Variants in FGF14 observed in about 807,000 individuals in gnomAD.
The protein encoded by FGF14 is fibroblast growth factor 14.
A neutral mutation model predicts 25.5 loss-of-function variants in FGF14; 5 were observed. That is an observed-to-expected ratio of 0.20 (90% CI 0.10 to 0.41). FGF14 has a LOEUF of 0.41. Ranked by LOEUF, FGF14 falls within the 10% of genes least tolerant of loss-of-function variation. FGF14 has a pLI of 1.00. For missense variants in FGF14, 222 were observed against 320.1 expected (o/e 0.69, Z 2.34); for synonymous variants, 138 against 118.3 (o/e 1.17, Z -1.08).
At chr13:102,113,396 T>C (rs1007417404) in intron 1 of FGF14, among the ~76,000 whole-genome samples, 1 of 152,190 alleles carries the variant, frequency 6.6e-6, no homozygotes, top group African/African-American at 2.4e-5. Flanking sequence ...GATCAAACCA[T>C]GCAGCAATCC....
At chr13:102,165,165 A>G (rs1050363293) in intron 1 of FGF14, among the ~76,000 whole-genome samples, 2 of 152,090 alleles carry the variant, frequency 1.3e-5, no homozygotes, top group Non-Finnish European at 2.9e-5. Flanking sequence ...TCAGGAAAAA[A>G]CAGGTGCTGG....
chr13:101,792,345 T>C (rs1032328583), intron 3 of FGF14, among the ~76,000 whole-genome samples: 1 of 152,128 alleles, frequency 6.6e-6, no homozygotes, highest in Non-Finnish European at 1.5e-5. Context: ...ACATTTCTGG[T>C]ACAAAATGAC....
intron 1 of FGF14, among the ~76,000 whole-genome samples, chr13:102,151,566 T>G (rs2140505010): frequency 6.6e-6 from 1 of 152,306 alleles, no homozygotes; most frequent in South Asian, 2.1e-4. Context: ...TGGTGGGATC[T>G]TGGCTCAATG....
At chr13:101,868,854 T>C (rs764478111) in intron 2 of FGF14, 26 bp from the exon 3 acceptor site, 13 of 1,478,834 alleles carry the variant, frequency 8.8e-6, no homozygotes, top group African/African-American at 5.5e-5. Flanking sequence ...TTGTCTATCA[T>C]GAATGGGCAG....
chr13:101,950,751 G>GTTTTTTTT (rs61285721), intron 1 of FGF14, among the ~76,000 whole-genome samples: 4 of 131,970 alleles, frequency 3.0e-5, no homozygotes, highest in Non-Finnish European at 4.8e-5. Context: ...ACCTAATCAT[G>GTTTTTTTT]TTTTTTTTTT....
At chr13:101,798,594 T>G (rs981642833) in intron 3 of FGF14, among the ~76,000 whole-genome samples, 3 of 152,110 alleles carry the variant, frequency 2.0e-5, no homozygotes, top group African/African-American at 7.2e-5. Context: ...GGGGGGCATG[T>G]GGTCAACATT....
At chr13:101,803,940 A>G (rs1329639577) in intron 3 of FGF14, among the ~76,000 whole-genome samples, 2 of 152,110 alleles carry the variant, frequency 1.3e-5, no homozygotes, top group Admixed American at 6.6e-5. Context: ...AAATATATAG[A>G]AGCTATTTGC....
At chr13:101,834,060 A>C (rs2042805301) in intron 3 of FGF14, among the ~76,000 whole-genome samples, 1 of 152,096 alleles carries the variant, frequency 6.6e-6, no homozygotes, top group African/African-American at 2.4e-5. Flanking sequence ...CTAGTGATCA[A>C]GCAATCACCT....
intron 1 of FGF14, among the ~76,000 whole-genome samples, chr13:101,955,788 G>T (rs1288341888): frequency 2.0e-5 from 3 of 152,224 alleles, no homozygotes. Context: ...TAAAAGGGAA[G>T]AGACACTTGA....
chr13:102,056,916 T>A (rs2042456482), intron 1 of FGF14, among the ~76,000 whole-genome samples: 1 of 151,240 alleles, frequency 6.6e-6, no homozygotes, highest in African/African-American at 2.4e-5. Context: ...AGAAAAGTAA[T>A]GATTTAGTAT....
At chr13:102,055,532 T>C (rs1437421485) in intron 1 of FGF14, among the ~76,000 whole-genome samples, 1 of 152,246 alleles carries the variant, frequency 6.6e-6, no homozygotes, top group South Asian at 2.1e-4. Flanking sequence ...CTAAACTCTT[T>C]ACCCTGTTCT....
At chr13:102,314,328 C>T (rs928941908) in intron 1 of FGF14, among the ~76,000 whole-genome samples, 2 of 152,212 alleles carry the variant, frequency 1.3e-5, no homozygotes, top group African/African-American at 4.8e-5. Context: ...ACATATATTA[C>T]ATGCACAAAT....
intron 3 of FGF14, among the ~76,000 whole-genome samples, chr13:101,799,092 A>T (rs934500681): frequency 1.3e-5 from 2 of 152,118 alleles, no homozygotes; most frequent in Non-Finnish European, 2.9e-5. Flanking sequence ...CTTCCAGCGA[A>T]TTTTTTATGC....
chr13:101,878,692 T>C (rs1252762292), intron 1 of FGF14, among the ~76,000 whole-genome samples: 1 of 152,038 alleles, frequency 6.6e-6, no homozygotes, highest in African/African-American at 2.4e-5. Flanking sequence ...AAATCTAACA[T>C]GAAATTAGCC....
intron 1 of FGF14, among the ~76,000 whole-genome samples, chr13:102,380,239 T>C (rs2139169030): frequency 6.6e-6 from 1 of 150,742 alleles, no homozygotes; most frequent in East Asian, 1.9e-4. Context: ...CTGACATACA[T>C]GGAACTGACA....
At chr13:101,844,454 C>A in intron 3 of FGF14, among the ~76,000 whole-genome samples, 1 of 151,996 alleles carries the variant, frequency 6.6e-6, no homozygotes, top group East Asian at 1.9e-4. Flanking sequence ...GCCCGTTTAT[C>A]ATAATAACCA....
At chr13:101,966,726 C>T (rs2037225605) in intron 1 of FGF14, among the ~76,000 whole-genome samples, 1 of 152,082 alleles carries the variant, frequency 6.6e-6, no homozygotes, top group South Asian at 2.1e-4. Context: ...CATGATCCAC[C>T]CACCTCGGCC....
At chr13:102,005,709 T>C (rs2039748904) in intron 1 of FGF14, among the ~76,000 whole-genome samples, 1 of 152,198 alleles carries the variant, frequency 6.6e-6, no homozygotes, top group Non-Finnish European at 1.5e-5. Flanking sequence ...AACTAGCTAG[T>C]AAAACACATA....
chr13:101,975,451 T>C (rs2037864175), intron 1 of FGF14, among the ~76,000 whole-genome samples: 1 of 152,162 alleles, frequency 6.6e-6, no homozygotes, highest in Non-Finnish European at 1.5e-5. Flanking sequence ...GCGTTCCTTC[T>C]TGTTCTCATC....
Sources: gnomAD v4.1 joint callset for allele counts (sites outside exome capture counted in the v4.1 genomes callset) on GRCh38, gnomAD v4.1.1 for gene constraint, MANE v1.5 for transcripts, NCBI Gene and HGNC (gene_info 2026-07-23, HGNC 2026-07-21) for gene names.